The following RUNX2 variants were observed in gnomAD, a reference collection of about 807,000 sequenced individuals.
RUNX2 encodes the protein runt-related transcription factor 2.
RUNX2 carries 10 observed loss-of-function variants against 51.7 expected under a neutral mutation model. The observed-to-expected ratio is 0.19, with a 90% CI of 0.12 to 0.33. The LOEUF is 0.33. Among genes scored for constraint, RUNX2 ranks in the 10% least tolerant of loss-of-function variants. The pLI, the probability that RUNX2 is intolerant of heterozygous loss-of-function variation, is 1.00. For missense variants in RUNX2, 562 were observed against 691.3 expected (o/e 0.81, Z 2.10); for synonymous variants, 276 against 273.6 (o/e 1.01, Z -0.09).
chr6:45,467,688 T>C (rs1400834222), intron 5 of RUNX2, among the ~76,000 whole-genome samples: 1 of 152,140 alleles, frequency 6.6e-6, no homozygotes, highest in Admixed American at 6.5e-5. Flanking sequence ...CTTTCCTTTC[T>C]TCCTGTTTCC....
chr6:45,519,098 A>G (rs1801422014), intron 7 of RUNX2, among the ~76,000 whole-genome samples: 1 of 152,172 alleles, frequency 6.6e-6, no homozygotes, highest in Admixed American at 6.5e-5. Context: ...TAGGGATTTG[A>G]TGTTCTTAGG....
Position 45,437,990 on chromosome 6 carries a change from C to A in RUNX2, c.624C>A (p.Pro208=), listed in dbSNP as rs1180399196. The A allele has an allele frequency of 1.2e-6, 2 of 1,613,596 alleles. No homozygotes were observed. Among genetic ancestry groups the A allele is most frequent in the Admixed American group, 1.7e-5 (1 of 60,020 alleles). Reference sequence around the variant, plus strand: ...CCATAACCGTCTTCACAAATCCTCCCCAAGTAGCTACCTATCACAGAGCAA... The same window carrying A: ...CCATAACCGTCTTCACAAATCCTCCACAAGTAGCTACCTATCACAGAGCAA... ...TLTITVFTNP[P]QVATYHRAIK... The change falls in exon 5 of 9, where the codon CCC becomes CCA. Residue 208 remains proline, a synonymous_variant. Transcript: ENST00000647337.
chr6:45,350,813 T>A (rs1791851114), intron 2 of RUNX2, among the ~76,000 whole-genome samples: 1 of 152,134 alleles, frequency 6.6e-6, no homozygotes, highest in African/African-American at 2.4e-5. Context: ...TCTAAATGAA[T>A]GAAGTCTTTA....
intron 7 of RUNX2, among the ~76,000 whole-genome samples, chr6:45,526,895 A>G (rs886757763): frequency 6.6e-6 from 1 of 152,250 alleles, no homozygotes; most frequent in African/African-American, 2.4e-5. Context: ...TGTTATGGGG[A>G]CTAAAGGATA....
At chr6:45,536,178 A>C (rs943842178) in intron 7 of RUNX2, among the ~76,000 whole-genome samples, 7 of 151,934 alleles carry the variant, frequency 4.6e-5, no homozygotes, top group African/African-American at 1.5e-4. Flanking sequence ...CTTCTGTCAC[A>C]ACCCGGAAGC....
At chr6:45,339,048 AAT>A (rs898806283) in intron 2 of RUNX2, among the ~76,000 whole-genome samples, 1 of 152,180 alleles carries the variant, frequency 6.6e-6, no homozygotes, top group African/African-American at 2.4e-5. Flanking sequence ...TAAAAATAAG[AAT>A]ATTTACATTA....
At chr6:45,430,421 T>C (rs183669852) in intron 3 of RUNX2, among the ~76,000 whole-genome samples, 3 of 152,270 alleles carry the variant, frequency 2.0e-5, no homozygotes, top group Admixed American at 1.3e-4. Context: ...GGAATGGAAC[T>C]GAGAAACAGC....
intron 3 of RUNX2, among the ~76,000 whole-genome samples, chr6:45,424,880 T>C (rs1002167188): frequency 2.0e-5 from 3 of 152,198 alleles, no homozygotes; most frequent in Non-Finnish European, 4.4e-5. Context: ...TGTAGGTTAA[T>C]GTTTGCTTCC....
intron 2 of RUNX2, among the ~76,000 whole-genome samples, chr6:45,375,332 A>G (rs1215204125): frequency 6.6e-6 from 1 of 152,210 alleles, no homozygotes; most frequent in Non-Finnish European, 1.5e-5. Context: ...ACATTTTGAT[A>G]GTGAAAGGGG....
chr6:45,466,133 G>A (rs1232192917), intron 5 of RUNX2, among the ~76,000 whole-genome samples: 1 of 151,916 alleles, frequency 6.6e-6, no homozygotes, highest in Non-Finnish European at 1.5e-5. Context: ...GGCCAACATG[G>A]TGAAATCCTA....
chr6:45,416,992 T>G (rs986028660), intron 2 of RUNX2, among the ~76,000 whole-genome samples: 13 of 152,164 alleles, frequency 8.5e-5, no homozygotes, highest in African/African-American at 3.1e-4. Flanking sequence ...GCCATGCAAA[T>G]TATTATAGGT....
chr6:45,517,901 C>T (rs1801381677), intron 7 of RUNX2, among the ~76,000 whole-genome samples: 1 of 152,026 alleles, frequency 6.6e-6, no homozygotes, highest in Admixed American at 6.6e-5. Flanking sequence ...CCTTATAACC[C>T]AGTCTCTATC....
chr6:45,471,236 G>C (rs748000943), intron 5 of RUNX2, among the ~76,000 whole-genome samples: 5 of 152,104 alleles, frequency 3.3e-5, no homozygotes, highest in Admixed American at 3.3e-4. Flanking sequence ...ACATTAAAAA[G>C]TAGGTCCAGA....
chr6:45,539,557 G>A (rs10948237), intron 7 of RUNX2, among the ~76,000 whole-genome samples: 70,096 of 152,040 alleles, frequency 0.46, 17,400 homozygotes, highest in African/African-American at 0.63. Flanking sequence ...TGGATAGTTG[G>A]TCATTTTTTA....
chr6:45,467,018 C>G (rs1799652653), intron 5 of RUNX2, among the ~76,000 whole-genome samples: 2 of 152,136 alleles, frequency 1.3e-5, no homozygotes, highest in Non-Finnish European at 2.9e-5. Context: ...CCTTCATTTC[C>G]TCATTGCCTA....
intron 7 of RUNX2, among the ~76,000 whole-genome samples, chr6:45,517,807 A>G (rs1464826949): frequency 6.7e-6 from 1 of 149,018 alleles, no homozygotes. Flanking sequence ...TGCCAGTGGA[A>G]AAACCCCACC....
At chr6:45,468,449 C>T (rs1165316350) in intron 5 of RUNX2, among the ~76,000 whole-genome samples, 1 of 152,140 alleles carries the variant, frequency 6.6e-6, no homozygotes, top group Non-Finnish European at 1.5e-5. Context: ...ATGACAGCTA[C>T]AAATCAAGAT....
At chr6:45,410,379 A>C (rs995708201) in intron 2 of RUNX2, among the ~76,000 whole-genome samples, 1 of 152,228 alleles carries the variant, frequency 6.6e-6, no homozygotes, top group African/African-American at 2.4e-5. Context: ...TTCAAGAAGT[A>C]GCATTAATAG....
At chr6:45,442,279 T>C (rs1798863670) in intron 5 of RUNX2, among the ~76,000 whole-genome samples, 1 of 152,240 alleles carries the variant, frequency 6.6e-6, no homozygotes, top group Admixed American at 6.5e-5. Context: ...ATCCCAAATT[T>C]GTAAGTCTTG....
Sources: gnomAD v4.1 joint callset for allele counts (sites outside exome capture counted in the v4.1 genomes callset) on GRCh38, gnomAD v4.1.1 for gene constraint, MANE v1.5 for transcripts, NCBI Gene and HGNC (gene_info 2026-07-23, HGNC 2026-07-21) for gene names.